The following WIPI1 variants were observed in gnomAD, a reference collection of about 807,000 sequenced individuals.
WIPI1 encodes WD repeat domain phosphoinositide-interacting protein 1.
In WIPI1, 45 loss-of-function variants were observed where a neutral mutation model predicts 55.3. The observed-to-expected ratio is 0.81, with a 90% CI of 0.64 to 1.04. The LOEUF is 1.04. Among genes scored for constraint, WIPI1 ranks in the 50% least tolerant of loss-of-function variants. The pLI, the probability that WIPI1 is intolerant of heterozygous loss-of-function variation, is 0.00. For synonymous variants in WIPI1, 195 were observed against 217.6 expected (o/e 0.90, Z 0.92); for missense variants, 445 against 559.0 (o/e 0.80, Z 2.06).
rs1600223328 is a variant in WIPI1 at position 68,421,670 on chromosome 17, C to T, written c.*103G>A. Reference sequence around the variant, plus strand: ...CAGTGGAGCACCCGGGATTCCTGCCCCCCTTTCTGCTCACACAATTGCACT... The same window carrying T: ...CAGTGGAGCACCCGGGATTCCTGCCTCCCTTTCTGCTCACACAATTGCACT... On this transcript the variant is annotated 3_prime_UTR_variant, in exon 13 of 13. Transcript: ENST00000262139. The T allele has an allele frequency of 1.3e-6, 2 of 1,527,546 alleles. No individual in the cohort carries two copies. The highest frequency in any genetic ancestry group is 2.3e-5 in the East Asian group (1 of 44,426). 94.6% of individuals were successfully genotyped at this position (1,527,546 alleles called of 1,614,324 possible).
intron 7 of WIPI1, 57 bp from the exon 8 acceptor site, chr17:68,433,632 A>G: frequency 7.1e-7 from 1 of 1,417,366 alleles, no homozygotes; most frequent in Non-Finnish European, 9.9e-7. Flanking sequence ...TTATGGCCTT[A>G]TAACTCAGAG....
At chr17:68,426,026 T>C in intron 12 of WIPI1, 49 bp downstream of exon 12, 1 of 1,516,304 alleles carries the variant, frequency 6.6e-7, no homozygotes. Flanking sequence ...GAAGGTTTCC[T>C]TCTAAGCACA....
intron 3 of WIPI1, among the ~76,000 whole-genome samples, chr17:68,446,013 A>G (rs1448823133): frequency 6.6e-6 from 1 of 152,190 alleles, no homozygotes; most frequent in Admixed American, 6.5e-5. Context: ...CTTTTATTCC[A>G]GGGAACATCA....
At chr17:68,430,271 T>C in intron 8 of WIPI1, 111 bp from the exon 9 acceptor site, 1 of 1,112,024 alleles carries the variant, frequency 9.0e-7, no homozygotes, top group South Asian at 1.5e-5. Flanking sequence ...AGGGAGAGAC[T>C]GTGCCTTAGC....
chr17:68,428,766 C>T (rs143580436), intron 10 of WIPI1, 63 bp downstream of exon 10: 16 of 1,321,054 alleles, frequency 1.2e-5, no homozygotes, highest in East Asian at 2.3e-5. Flanking sequence ...TCGTTCTTGG[C>T]GAAGGGACAA....
chr17:68,450,806 C>CA lies in WIPI1; in HGVS notation c.254dup (p.Tyr86ValfsTer11). On this transcript the variant is annotated frameshift_variant, in exon 3 of 13. Transcript: ENST00000262139. LOFTEE classifies it high-confidence loss of function. ...TCTCTGTGCCTTTCTTGAAGTGATA[C>CA]ACGTTCATCTGCCGTGGTTTTGTGT... 6.2e-7 allele frequency: 1 copy of CA among 1,614,066 alleles called. No homozygotes were observed.
At chr17:68,438,195 G>A (rs2083911812) in intron 4 of WIPI1, among the ~76,000 whole-genome samples, 1 of 152,122 alleles carries the variant, frequency 6.6e-6, no homozygotes, top group Non-Finnish European at 1.5e-5. Flanking sequence ...GCCATGCATA[G>A]CTACGGGAGG....
intron 7 of WIPI1, 135 bp downstream of exon 7, chr17:68,434,421 T>G (rs2083684988): frequency 2.4e-6 from 2 of 822,390 alleles, no homozygotes; most frequent in South Asian, 3.6e-5. Context: ...GTCAATTACC[T>G]GGGAGAGTAG....
chr17:68,433,897 C>T (rs2083655808), intron 7 of WIPI1, among the ~76,000 whole-genome samples: 1 of 149,962 alleles, frequency 6.7e-6, no homozygotes, highest in South Asian at 2.1e-4. Flanking sequence ...ATTCTCCTGC[C>T]TCAGCCTCCC....
chr17:68,430,772 G>A lies in WIPI1; in HGVS notation c.801-612C>T, dbSNP rs920416228. ...GACAAAGGGGGTGACTGTTCTGTTG[G>A]TGAGAGACAACCCCCAGCTCTGCCC... On this transcript the variant is annotated intron_variant, in intron 8 of 12. Coordinates refer to ENST00000262139, the MANE Select transcript of WIPI1 (RefSeq NM_017983.7). 2.0e-5 allele frequency among the ~76,000 whole-genome samples: 3 copies of A among 152,270 alleles called. No homozygotes were observed. In the South Asian group the frequency reaches 6.2e-4, roughly 32 times the overall value.
rs755034659 is a variant in WIPI1 at position 68,457,426 on chromosome 17, G to A, written c.-5C>T. The A allele has an allele frequency of 1.4e-6, 2 of 1,471,812 alleles. No homozygotes were observed. The highest frequency in any genetic ancestry group is 1.3e-5 in the South Asian group (1 of 78,548). The allele number at this position is 1,471,812 out of a possible 1,614,324, so 91.2% of individuals were successfully genotyped here. On this transcript the variant is annotated 5_prime_UTR_variant, in exon 1 of 13. Coordinates refer to ENST00000262139, the MANE Select transcript of WIPI1 (RefSeq NM_017983.7). ...GTCCGCGGCCTCGGCCTCCATCGGGGGCTCGGCCCGGGAAGCCGCAGCTCG... is the reference window on the plus strand; with the variant it reads ...GTCCGCGGCCTCGGCCTCCATCGGGAGCTCGGCCCGGGAAGCCGCAGCTCG...
Position 68,421,508 on chromosome 17 carries a change from A to C in WIPI1, c.*265T>G, listed in dbSNP as rs1302026305. ...AATATAAAATTCCGGTTATATACCA[A>C]TATGGTTAATTAGCATTTACACTAT... On this transcript the variant is annotated 3_prime_UTR_variant, in exon 13 of 13. Coordinates refer to ENST00000262139, the MANE Select transcript of WIPI1 (RefSeq NM_017983.7). 1 of 490,134 alleles carries C rather than the reference A, an allele frequency of 2.0e-6. No homozygotes were observed. Among genetic ancestry groups the C allele is most frequent in the Admixed American group, 3.3e-5 (1 of 30,764 alleles). The allele number at this position is 490,134 out of a possible 1,614,324, so 30.4% of individuals were successfully genotyped here.
rs530732393 is a variant in WIPI1, at chr17:68,436,534, G to A, written c.431-55C>T. On this transcript the variant is annotated intron_variant, in intron 4 of 12. Transcript: ENST00000262139. The stretch of plus-strand genomic sequence containing the variant: ...CCTGGGGCCAAGGGAGAGATTGCAC[G>A]GCTGGAGAGGGCATCTGAAAACAGT... 1,060 of 1,519,972 alleles carry A rather than the reference G, an allele frequency of 7.0e-4. 17 individuals are homozygous for A. In the South Asian group the frequency reaches 0.011, roughly 16 times the overall value. The allele number at this position is 1,519,972 out of a possible 1,614,324, so 94.2% of individuals were successfully genotyped here.
At chr17:68,450,355 A>G (rs906155776) in intron 3 of WIPI1, among the ~76,000 whole-genome samples, 23 of 152,132 alleles carry the variant, frequency 1.5e-4, no homozygotes, top group Admixed American at 4.6e-4. Flanking sequence ...AATGAATGAC[A>G]CTATCTAGGG....
chr17:68,457,194 A>G (rs1600397002), intron 1 of WIPI1, 148 bp downstream of exon 1: 1 of 901,128 alleles, frequency 1.1e-6, no homozygotes, highest in Non-Finnish European at 1.6e-6. Context: ...GTACGGGGAT[A>G]ACAAGATCCC....
rs147771877 is a variant in WIPI1 at position 68,439,309 on chromosome 17, G to A, written c.431-2830C>T. On this transcript the variant is annotated intron_variant, in intron 4 of 12. Transcript: ENST00000262139. ...AATATTATCCAGCAAGAAAAATAAA[G>A]TATTGATACATGCTACAACACAGAA... Among the ~76,000 whole-genome samples, 20 of 152,256 alleles carry A rather than the reference G, an allele frequency of 1.3e-4. No individual in the cohort carries two copies. The East Asian group carries it at 3.9e-3, about 29-fold the overall frequency.
At chr17:68,437,002 A>AT (rs1249357942) in intron 4 of WIPI1, among the ~76,000 whole-genome samples, 16 of 60,692 alleles carry the variant, frequency 2.6e-4, no homozygotes, top group Non-Finnish European at 4.0e-4. Flanking sequence ...TCAAAAAAAA[A>AT]AAAATATATA....
At position 68,431,839 on chromosome 17, in the gene WIPI1, G is replaced by A. The variant is rs148853216; in HGVS notation, c.800+1629C>T. 7.7e-3 allele frequency among the ~76,000 whole-genome samples: 1,170 copies of A among 152,366 alleles called. 18 individuals carry two copies. The highest frequency in any genetic ancestry group is 0.027 in the African/African-American group (1,117 of 41,574). The stretch of plus-strand genomic sequence containing the variant: ...GTCACCTGTGCTCACAGACAGAAAC[G>A]GGAGAGCCTGGAGTGGAAAATCAAT... On this transcript the variant is annotated intron_variant, in intron 8 of 12. Transcript: ENST00000262139.
intron 3 of WIPI1, among the ~76,000 whole-genome samples, chr17:68,444,955 C>T (rs1262604245): frequency 1.7e-5 from 2 of 118,278 alleles, no homozygotes; most frequent in African/African-American, 3.3e-5. Context: ...GAGTCTCACT[C>T]TGTCACCCAG....
Sources: gnomAD v4.1 joint callset for allele counts (sites outside exome capture counted in the v4.1 genomes callset) on GRCh38, gnomAD v4.1.1 for gene constraint, MANE v1.5 for transcripts, NCBI Gene and HGNC (gene_info 2026-07-23, HGNC 2026-07-21) for gene names.